AUNIP: variants seen among roughly 807,000 people sequenced by gnomAD.
AUNIP encodes the protein aurora kinase A- and ninein-interacting protein.
In AUNIP, 16 loss-of-function variants were observed where a neutral mutation model predicts 12.2. That is an observed-to-expected ratio of 1.31 (90% CI 0.88 to 1.99). AUNIP has a LOEUF of 1.99. Ranked by LOEUF, AUNIP falls within the 30% of genes most tolerant of loss-of-function variation. The probability of loss-of-function intolerance (pLI) is 0.00; values close to 1 mark genes in which losing one functional copy is unlikely to be tolerated. For synonymous variants in AUNIP, 142 were observed against 154.8 expected (o/e 0.92, Z 0.61); for missense variants, 411 against 419.1 (o/e 0.98, Z 0.17).
intron 1 of AUNIP, among the ~76,000 whole-genome samples, chr1:25,849,030 G>A (rs1312347084): frequency 6.6e-6 from 1 of 152,172 alleles, no homozygotes; most frequent in Non-Finnish European, 1.5e-5. Flanking sequence ...TGAAACCTGA[G>A]AATGGTTCTG....
intron 1 of AUNIP, among the ~76,000 whole-genome samples, chr1:25,855,294 G>C (rs2048453119): frequency 6.6e-6 from 1 of 152,002 alleles, no homozygotes; most frequent in Admixed American, 6.6e-5. Flanking sequence ...AGAATTTGTG[G>C]ACGTACATTA....
chr1:25,846,956 A>C (rs1477619857), intron 1 of AUNIP, among the ~76,000 whole-genome samples: 3 of 152,254 alleles, frequency 2.0e-5, no homozygotes, highest in Non-Finnish European at 4.4e-5. Flanking sequence ...CTCAACTGAA[A>C]TGCAGTGGAG....
chr1:25,848,031 C>T (rs11589095), intron 1 of AUNIP, among the ~76,000 whole-genome samples: 2,017 of 152,248 alleles, frequency 0.013, 13 homozygotes, highest in Non-Finnish European at 0.022. Flanking sequence ...CTTACCTAAA[C>T]TTCAGCAGTA....
chr1:25,831,986 T>A, downstream of AUNIP: 1 of 1,614,170 alleles, frequency 6.2e-7, no homozygotes, highest in East Asian at 2.2e-5. Context: ...AGGAGGAAGT[T>A]TGCTCTAAAG....
chr1:25,849,249 G>C (rs2048408856), intron 1 of AUNIP, among the ~76,000 whole-genome samples: 1 of 152,076 alleles, frequency 6.6e-6, no homozygotes, highest in Admixed American at 6.6e-5. Flanking sequence ...CATTTTAACA[G>C]CTTTATTAAT....
At position 25,834,751 on chromosome 1, in the gene AUNIP, C is replaced by A; in HGVS notation, c.*242G>T. 7.3e-7 allele frequency: 1 copy of A among 1,364,084 alleles called. No homozygotes were observed. Among genetic ancestry groups the A allele is most frequent in the Non-Finnish European group, 9.4e-7 (1 of 1,060,398 alleles). The allele number at this position is 1,364,084 out of a possible 1,614,324, so 84.5% of individuals were successfully genotyped here. The stretch of plus-strand genomic sequence containing the variant: ...ATACCCACTGTGCTGCCTCAGTGTT[C>A]ATCATAGACTCATTCAGGGAATTTA... On this transcript the variant is annotated 3_prime_UTR_variant, in exon 3 of 3. Transcript: ENST00000374298.
chr1:25,837,404 T>C lies in AUNIP; in HGVS notation c.220+9A>G, dbSNP rs760938667. ...GGATAATGAAGTATTCCCATATGGG[T>C]CACCATACCTGGCTGCAAGGTGAAG... is the stretch of plus-strand genomic sequence containing the variant. On this transcript the variant is annotated intron_variant, in intron 2 of 2. Coordinates refer to ENST00000374298, the MANE Select transcript of AUNIP (RefSeq NM_024037.3). 1 of 1,611,988 alleles carries C rather than the reference T, an allele frequency of 6.2e-7. No individual in the cohort carries two copies. Among genetic ancestry groups the C allele is most frequent in the Non-Finnish European group, 8.5e-7 (1 of 1,179,192 alleles).
rs567277940 is a variant in AUNIP, at chr1:25,847,560, C to T, written c.79-10006G>A. Among the ~76,000 whole-genome samples the T allele has an allele frequency of 7.2e-5, 11 of 152,188 alleles. No individual in the cohort carries two copies. In the East Asian group the frequency reaches 1.9e-3, roughly 27 times the overall value. On this transcript the variant is annotated intron_variant, in intron 1 of 2. Coordinates refer to ENST00000374298, the MANE Select transcript of AUNIP (RefSeq NM_024037.3). This position sits in a 1 kb window ranked among gnomAD's most constrained non-coding sequence, Gnocchi z 4.2. ...GATTACAGGCATAAACCACCACACC[C>T]GACCTTAAAAAACATTTAAGCAATC...
At position 25,837,374 on chromosome 1, in the gene AUNIP, G is replaced by A. The variant is rs370256807; in HGVS notation, c.220+39C>T. 77 of 1,577,134 alleles carry A rather than the reference G, an allele frequency of 4.9e-5. No homozygotes were observed. The African/African-American group carries it at 8.6e-4, about 18-fold the overall frequency. ...GGACAAATGAACACACTCCTTTTTTGCTCTGGATAATGAAGTATTCCCATA... is the reference window on the plus strand; with the variant it reads ...GGACAAATGAACACACTCCTTTTTTACTCTGGATAATGAAGTATTCCCATA... On this transcript the variant is annotated intron_variant, in intron 2 of 2. Transcript: ENST00000374298.
At chr1:25,833,713 C>G (rs2048273493), downstream of AUNIP, among the ~76,000 whole-genome samples, 1 of 151,656 alleles carries the variant, frequency 6.6e-6, no homozygotes, top group Non-Finnish European at 1.5e-5. Flanking sequence ...GTGTTCATGC[C>G]ACCACACTCC....
chr1:25,847,626 A>G lies in AUNIP; in HGVS notation c.79-10072T>C, dbSNP rs1572265242. 6.6e-6 allele frequency among the ~76,000 whole-genome samples: 1 copy of G among 152,280 alleles called. No homozygotes were observed. Among genetic ancestry groups the G allele is most frequent in the Non-Finnish European group, 1.5e-5 (1 of 68,018 alleles). On this transcript the variant is annotated intron_variant, in intron 1 of 2. Coordinates refer to ENST00000374298, the MANE Select transcript of AUNIP (RefSeq NM_024037.3). The surrounding 1 kb of genome is among the most constrained non-coding windows in gnomAD (Gnocchi z 4.2). ...TTAGGTCCTTCTTGAGCGTACCTAT[A>G]CTTTTATATAGAGAGAGACTAATAA...
chr1:25,838,084 C>CA (rs59434471), intron 1 of AUNIP, among the ~76,000 whole-genome samples: 3,803 of 105,212 alleles, frequency 0.036, 133 homozygotes, highest in African/African-American at 0.1. Flanking sequence ...ACTAAAAATA[C>CA]AAAAAAAAAA....
chr1:25,834,695 G>A lies in AUNIP; in HGVS notation c.*298C>T. 1 of 1,168,222 alleles carries A rather than the reference G, an allele frequency of 8.6e-7. No individual in the cohort carries two copies. Among genetic ancestry groups the A allele is most frequent in the East Asian group, 4.5e-5 (1 of 22,356 alleles). 72.4% of individuals were successfully genotyped at this position (1,168,222 alleles called of 1,614,324 possible). A position where few individuals can be genotyped will look rare whatever the true frequency, so the allele number is the denominator to read the frequency against. On this transcript the variant is annotated 3_prime_UTR_variant, in exon 3 of 3. Transcript: ENST00000374298. ...AAGGGCAAAGAGATGGCTCTGTGCAGGCTGAGTAAAAGGCACTTTCATAGA... is the reference window on the plus strand; with the variant it reads ...AAGGGCAAAGAGATGGCTCTGTGCAAGCTGAGTAAAAGGCACTTTCATAGA...
At chr1:25,856,181 A>G (rs1381028887) in intron 1 of AUNIP, among the ~76,000 whole-genome samples, 1 of 152,030 alleles carries the variant, frequency 6.6e-6, no homozygotes, top group Non-Finnish European at 1.5e-5. Context: ...CCTGGTCAAC[A>G]TGGTGAAACC....
chr1:25,851,801 A>ATCTC (rs1269045870), intron 1 of AUNIP, among the ~76,000 whole-genome samples: 1 of 152,104 alleles, frequency 6.6e-6, no homozygotes, highest in African/African-American at 2.4e-5. Flanking sequence ...CAGTGGCACA[A>ATCTC]TCTCGGCTCA....
intron 2 of AUNIP, among the ~76,000 whole-genome samples, chr1:25,836,130 A>G (rs922744140): frequency 1.1e-4 from 16 of 152,282 alleles, no homozygotes; most frequent in Middle Eastern, 6.8e-3. Flanking sequence ...ACCATAGCCT[A>G]CTTTACCAGC....
intron 1 of AUNIP, among the ~76,000 whole-genome samples, chr1:25,844,695 G>A (rs1246963436): frequency 6.7e-6 from 1 of 150,132 alleles, no homozygotes; most frequent in East Asian, 2.0e-4. Flanking sequence ...TCTTAAATTT[G>A]TATATGAAGT....
chr1:25,849,666 T>C (rs1031696112), intron 1 of AUNIP, among the ~76,000 whole-genome samples: 4 of 152,184 alleles, frequency 2.6e-5, no homozygotes, highest in African/African-American at 9.6e-5. Flanking sequence ...CAGGGTCTTA[T>C]TCTGTCACCT....
At chr1:25,844,384 CCATTGTGCCCGG>C (rs1193431122) in intron 1 of AUNIP, among the ~76,000 whole-genome samples, 2 of 152,142 alleles carry the variant, frequency 1.3e-5, no homozygotes, top group East Asian at 3.8e-4. Flanking sequence ...CAGGTGTGAG[CCATTGTGCCCGG>C]CCAAGTGTGA....
Sources: allele counts gnomAD v4.1 joint callset (sites outside exome capture counted in the v4.1 genomes callset), GRCh38; gene constraint gnomAD v4.1.1; non-coding constraint Gnocchi (gnomAD v3.1); transcripts MANE v1.5; gene names NCBI Gene and HGNC (gene_info 2026-07-23, HGNC 2026-07-21).